WDR49: variants seen among roughly 807,000 people sequenced by gnomAD.
WDR49 encodes the protein WD repeat domain 49, also known as cilia- and flagella-associated protein 337.
In WDR49, 107 loss-of-function variants were observed where a neutral mutation model predicts 119.5. The observed-to-expected ratio is 0.90, with a 90% CI of 0.77 to 1.05. WDR49 has a LOEUF of 1.05. Ranked by LOEUF, WDR49 falls within the 50% of genes least tolerant of loss-of-function variation. WDR49 has a pLI of 0.00. For missense variants in WDR49, 1,240 were observed against 1,220.5 expected (o/e 1.02, Z -0.24); for synonymous variants, 425 against 418.8 (o/e 1.01, Z -0.18).
chr3:167,491,205 AC>A (rs1036745374), intron 18 of WDR49, among the ~76,000 whole-genome samples: 2 of 151,958 alleles, frequency 1.3e-5, no homozygotes, highest in African/African-American at 4.8e-5. Context: ...GCTTTGCCCC[AC>A]CCGGGAGCTT....
At chr3:167,598,979 G>C (rs1216536011) in intron 7 of WDR49, among the ~76,000 whole-genome samples, 1 of 152,198 alleles carries the variant, frequency 6.6e-6, no homozygotes, top group Non-Finnish European at 1.5e-5. Flanking sequence ...GCTGATGGTG[G>C]AGTGACACAG....
In WDR49 at chr3:167,529,225, C is replaced by T. The variant is rs1047032453; in HGVS notation, c.2233G>A (p.Val745Ile). The change falls in exon 14 of 19, where the codon GTA becomes ATA. Residue 745 changes from valine (V) to isoleucine (I), a missense_variant. Transcript: ENST00000682715. Reference sequence around the variant, plus strand: ...ACATAACCAGATCCTCCACATGATACCAGGTTAGCTCCTCCTAACATGTAA... The same window carrying T: ...ACATAACCAGATCCTCCACATGATATCAGGTTAGCTCCTCCTAACATGTAA... Reference protein sequence around the residue: ...NTAVTGGANLVSCGGSGYVRF... With the variant: ...NTAVTGGANLISCGGSGYVRF... The T allele has an allele frequency of 1.9e-6, 3 of 1,594,904 alleles. No homozygotes were observed. The highest frequency in any genetic ancestry group is 1.4e-5 in the African/African-American group (1 of 73,984).
intron 15 of WDR49, among the ~76,000 whole-genome samples, chr3:167,524,091 A>T (rs1752551696): frequency 6.6e-6 from 1 of 152,166 alleles, no homozygotes; most frequent in African/African-American, 2.4e-5. Flanking sequence ...TTGCCATTCT[A>T]ACTGATGTGG....
At chr3:167,653,582 G>A (rs1405322486) in intron 1 of WDR49, 83 bp from the exon 2 acceptor site, 6 of 811,514 alleles carry the variant, frequency 7.4e-6, no homozygotes, top group Non-Finnish European at 1.1e-5. Context: ...GAGGCAAAAT[G>A]TTCAAGCTGA....
chr3:167,647,963 C>T (rs959967599), intron 2 of WDR49, among the ~76,000 whole-genome samples: 2 of 152,158 alleles, frequency 1.3e-5, no homozygotes, highest in African/African-American at 4.8e-5. Context: ...GCACTATTAA[C>T]TTAACATGCA....
At chr3:167,554,075 CCTACTGCTT>C (rs1712758683) in intron 10 of WDR49, among the ~76,000 whole-genome samples, 1 of 151,992 alleles carries the variant, frequency 6.6e-6, no homozygotes, top group South Asian at 2.1e-4. Flanking sequence ...CTTTAATTTT[CCTACTGCTT>C]CTACAGTGCC....
chr3:167,495,721 C>T (rs1407422528), intron 18 of WDR49, among the ~76,000 whole-genome samples: 5 of 150,114 alleles, frequency 3.3e-5, no homozygotes, highest in African/African-American at 1.2e-4. Context: ...AATACACACA[C>T]AAAAAAAACA....
chr3:167,538,339 C>G (rs1711583410), intron 10 of WDR49, among the ~76,000 whole-genome samples: 1 of 152,104 alleles, frequency 6.6e-6, no homozygotes, highest in African/African-American at 2.4e-5. Flanking sequence ...GGTTAATAGA[C>G]CAACATTCCA....
chr3:167,598,479 C>T (rs1428840796), intron 7 of WDR49, among the ~76,000 whole-genome samples: 2 of 152,054 alleles, frequency 1.3e-5, no homozygotes, highest in East Asian at 3.9e-4. Flanking sequence ...TTTCCTCATG[C>T]TGTTCTCATG....
intron 16 of WDR49, among the ~76,000 whole-genome samples, chr3:167,516,583 A>G (rs992320918): frequency 6.6e-6 from 1 of 152,154 alleles, no homozygotes; most frequent in Non-Finnish European, 1.5e-5. Context: ...TCTTTATAGC[A>G]GCATGATATA....
At chr3:167,624,297 G>A (rs367694017) in intron 3 of WDR49, among the ~76,000 whole-genome samples, 1 of 150,588 alleles carries the variant, frequency 6.6e-6, no homozygotes, top group African/African-American at 2.4e-5. Context: ...AAAAAAACTA[G>A]TAGTATACCT....
At chr3:167,647,826 A>G (rs1718197627) in intron 2 of WDR49, among the ~76,000 whole-genome samples, 1 of 152,188 alleles carries the variant, frequency 6.6e-6, no homozygotes, top group Non-Finnish European at 1.5e-5. Flanking sequence ...AATATTTTTC[A>G]AAAAAGCAAT....
chr3:167,481,252 C>T (rs1421982057), intron 18 of WDR49, among the ~76,000 whole-genome samples: 2 of 152,042 alleles, frequency 1.3e-5, no homozygotes, highest in African/African-American at 4.8e-5. Context: ...AACATTGTTA[C>T]CAAGCATTTT....
chr3:167,485,607 T>C (rs750709027), intron 18 of WDR49, among the ~76,000 whole-genome samples: 2 of 151,988 alleles, frequency 1.3e-5, no homozygotes, highest in Non-Finnish European at 2.9e-5. Flanking sequence ...ACTACAAGGA[T>C]TTTATAATAC....
intron 10 of WDR49, among the ~76,000 whole-genome samples, chr3:167,542,427 T>C (rs561641893): frequency 3.2e-4 from 49 of 152,228 alleles, no homozygotes; most frequent in African/African-American, 9.4e-4. Context: ...ATTGAAGTTA[T>C]ATCAAGTACC....
chr3:167,560,524 C>T (rs1004239719), intron 8 of WDR49, among the ~76,000 whole-genome samples: 19 of 152,230 alleles, frequency 1.2e-4, no homozygotes, highest in East Asian at 1.9e-4. Flanking sequence ...AATAAACTTA[C>T]GAATCTTTCC....
At chr3:167,586,052 A>C (rs2108292212) in intron 7 of WDR49, among the ~76,000 whole-genome samples, 1 of 152,292 alleles carries the variant, frequency 6.6e-6, no homozygotes, top group South Asian at 2.1e-4. Flanking sequence ...GGTAAGACAA[A>C]ATTCTGATTG....
intron 9 of WDR49, among the ~76,000 whole-genome samples, chr3:167,557,023 T>TCAAA (rs750291306): frequency 3.3e-5 from 5 of 151,716 alleles, no homozygotes; most frequent in East Asian, 1.9e-4. Context: ...AGACTCCATC[T>TCAAA]CAAACAAACA....
At chr3:167,543,611 C>T (rs2108255451) in intron 10 of WDR49, among the ~76,000 whole-genome samples, 1 of 152,098 alleles carries the variant, frequency 6.6e-6, no homozygotes, top group East Asian at 1.9e-4. Flanking sequence ...TTAAAACCCT[C>T]AGCAAAATCA....
Sources: allele counts gnomAD v4.1 joint callset (sites outside exome capture counted in the v4.1 genomes callset), GRCh38; gene constraint gnomAD v4.1.1; transcripts MANE v1.5; gene names NCBI Gene and HGNC (gene_info 2026-07-23, HGNC 2026-07-21).